Variants in DLGAP2 observed in about 807,000 individuals in gnomAD.
DLGAP2 encodes the protein DLG associated protein 2, also known as disks large-associated protein 2.
A neutral mutation model predicts 100.3 loss-of-function variants in DLGAP2; 26 were observed. That is an observed-to-expected ratio of 0.26 (90% CI 0.19 to 0.36). DLGAP2 has a LOEUF of 0.36. Among genes scored for constraint, DLGAP2 ranks in the 10% least tolerant of loss-of-function variants. The probability of loss-of-function intolerance (pLI) is 1.00; values close to 1 mark genes in which losing one functional copy is unlikely to be tolerated. For missense variants in DLGAP2, 1,858 were observed against 1,453.2 expected (o/e 1.28, Z -4.53); for synonymous variants, 886 against 630.1 (o/e 1.41, Z -6.08).
At chr8:908,754 G>A (rs1307139945) in intron 2 of DLGAP2, among the ~76,000 whole-genome samples, 3 of 152,174 alleles carry the variant, frequency 2.0e-5, no homozygotes, top group African/African-American at 7.2e-5. Flanking sequence ...TTTCGTGTGA[G>A]GGGCTCTGCA....
At position 1,050,862 on chromosome 8, in the gene DLGAP2, C is replaced by T. The variant is rs76012370; in HGVS notation, c.73+142896C>T. On this transcript the variant is annotated intron_variant, in intron 2 of 14. Coordinates refer to ENST00000637795, the MANE Select transcript of DLGAP2 (RefSeq NM_001346810.2). ...ACGTGCTTCCCCATAGATTTCCATG[C>T]GGCAGTGTGTGATGAGCTTGTGTGA... is the stretch of plus-strand genomic sequence containing the variant. Among the ~76,000 whole-genome samples, 1,310 of 152,064 alleles carry T rather than the reference C, an allele frequency of 8.6e-3. 7 individuals carry two copies. Among genetic ancestry groups the T allele is most frequent in the Non-Finnish European group, 0.012 (819 of 68,014 alleles).
At position 919,532 on chromosome 8, in the gene DLGAP2, C is replaced by T. The variant is rs944782427; in HGVS notation, c.73+11566C>T. Among the ~76,000 whole-genome samples the T allele has an allele frequency of 8.0e-4, 122 of 152,300 alleles. 1 individual carries two copies. The highest frequency in any genetic ancestry group is 2.9e-3 in the African/African-American group (119 of 41,568). On this transcript the variant is annotated intron_variant, in intron 2 of 14. Coordinates refer to ENST00000637795, the MANE Select transcript of DLGAP2 (RefSeq NM_001346810.2). ...GCAGTGTTCATTTGCTGCCACCATC[C>T]ACCCAGTTAACATCAGGTTGGCCTT...
chr8:753,891 G>C (rs887229284), intron 1 of DLGAP2: 1 of 152,230 alleles, frequency 6.6e-6, no homozygotes, highest in Non-Finnish European at 1.5e-5. Context: ...CGGGCGGCGC[G>C]GTGCGGCGTG....
chr8:1,120,349 G>T (rs143465868), intron 2 of DLGAP2, among the ~76,000 whole-genome samples: 2 of 152,166 alleles, frequency 1.3e-5, no homozygotes, highest in Admixed American at 6.5e-5. Flanking sequence ...AGAACAATAC[G>T]AAGGGGCACC....
intron 3 of DLGAP2, among the ~76,000 whole-genome samples, chr8:1,466,134 T>C (rs1302632400): frequency 6.6e-6 from 1 of 152,174 alleles, no homozygotes; most frequent in Non-Finnish European, 1.5e-5. Context: ...TGTTGGAGCG[T>C]TTAGGTTGAA....
chr8:1,681,484 A>G (rs930580785), intron 12 of DLGAP2, among the ~76,000 whole-genome samples: 1 of 151,994 alleles, frequency 6.6e-6, no homozygotes, highest in Admixed American at 6.6e-5. Flanking sequence ...AAAAATAATA[A>G]TAATAATAAT....
rs1412808051 is a variant in DLGAP2, at chr8:797,982, TGTC to T, written c.18+60160_18+60162del. On this transcript the variant is annotated intron_variant, in intron 1 of 14. Transcript: ENST00000637795. ...GGCCAGGCTGGTCTCGAACTCCTGATGTCGTGATACGCCCACCTCGGCCTCCCA... is the reference window on the plus strand; with the variant it reads ...GGCCAGGCTGGTCTCGAACTCCTGATGTGATACGCCCACCTCGGCCTCCCA... 3.9e-5 allele frequency among the ~76,000 whole-genome samples: 6 copies of T among 152,220 alleles called. No individual in the cohort carries two copies. In the East Asian group the frequency reaches 1.2e-3, roughly 30 times the overall value.
chr8:1,244,554 G>A (rs536149688), intron 2 of DLGAP2, among the ~76,000 whole-genome samples: 2 of 152,212 alleles, frequency 1.3e-5, no homozygotes, highest in South Asian at 2.1e-4. Flanking sequence ...GAATGAGTAG[G>A]ATTTCTACAA....
intron 2 of DLGAP2, among the ~76,000 whole-genome samples, chr8:1,202,296 A>ATGTGTGTGTGTG (rs35325269): frequency 6.7e-6 from 1 of 149,324 alleles, no homozygotes; most frequent in Non-Finnish European, 1.5e-5. Flanking sequence ...TATGTAGTAT[A>ATGTGTGTGTGTG]TGTGTGTGTG....
intron 1 of DLGAP2, among the ~76,000 whole-genome samples, chr8:800,390 T>A (rs1189683452): frequency 2.6e-5 from 4 of 152,230 alleles, no homozygotes; most frequent in Non-Finnish European, 5.9e-5. Context: ...TGTGGGCTGT[T>A]TGCACAATGA....
At chr8:1,332,378 CAT>C (rs1031409368) in intron 3 of DLGAP2, among the ~76,000 whole-genome samples, 12 of 151,860 alleles carry the variant, frequency 7.9e-5, no homozygotes, top group Admixed American at 4.6e-4. Context: ...CATATCTGCA[CAT>C]GTGTGTTAGT....
At chr8:1,514,965 G>T (rs1173382974) in intron 4 of DLGAP2, among the ~76,000 whole-genome samples, 3 of 152,110 alleles carry the variant, frequency 2.0e-5, no homozygotes, top group Admixed American at 6.5e-5. Flanking sequence ...AGACCGACGT[G>T]CAGGGACACC....
intron 6 of DLGAP2, among the ~76,000 whole-genome samples, chr8:1,588,439 C>T (rs1445547127): frequency 6.6e-6 from 1 of 152,146 alleles, no homozygotes; most frequent in African/African-American, 2.4e-5. Context: ...GTAATTCTCC[C>T]CAATAGTAAA....
chr8:839,802 C>T (rs1226841746), intron 1 of DLGAP2, among the ~76,000 whole-genome samples: 1 of 152,220 alleles, frequency 6.6e-6, no homozygotes, highest in Admixed American at 6.5e-5. Flanking sequence ...TGCAGCTCAG[C>T]CTTCAGATCT....
intron 2 of DLGAP2, among the ~76,000 whole-genome samples, chr8:973,473 C>T (rs36057885): frequency 0.068 from 10,342 of 151,722 alleles, 493 homozygotes; most frequent in Admixed American, 0.13. Context: ...ACATCCCAGA[C>T]GGGGTGGTGG....
intron 2 of DLGAP2, among the ~76,000 whole-genome samples, chr8:1,249,421 C>T (rs762560652): frequency 2.2e-4 from 33 of 152,164 alleles, no homozygotes; most frequent in Non-Finnish European, 3.8e-4. Context: ...CTACTGAGGC[C>T]TAAATACAAC....
chr8:1,699,477 G>C (rs1220621543), intron 14 of DLGAP2, among the ~76,000 whole-genome samples: 2 of 151,934 alleles, frequency 1.3e-5, no homozygotes, highest in African/African-American at 4.8e-5. Flanking sequence ...AGCCAGGCGT[G>C]GTGGTGGGCG....
chr8:777,709 C>T (rs1220945842), intron 1 of DLGAP2, among the ~76,000 whole-genome samples: 5 of 152,112 alleles, frequency 3.3e-5, no homozygotes, highest in Non-Finnish European at 5.9e-5. Flanking sequence ...AGGGTTTCTG[C>T]CGAGAGATCC....
intron 3 of DLGAP2, among the ~76,000 whole-genome samples, chr8:1,317,318 T>G (rs1800780265): frequency 7.6e-6 from 1 of 132,124 alleles, no homozygotes; most frequent in African/African-American, 2.9e-5. Flanking sequence ...AAATAGAGGC[T>G]GTGCGAGTGC....
Sources: gnomAD v4.1 joint callset for allele counts (sites outside exome capture counted in the v4.1 genomes callset) on GRCh38, gnomAD v4.1.1 for gene constraint, MANE v1.5 for transcripts, NCBI Gene and HGNC (gene_info 2026-07-23, HGNC 2026-07-21) for gene names.